UBE2Q1: variants seen among roughly 807,000 people sequenced by gnomAD.
The protein encoded by UBE2Q1 is ubiquitin conjugating enzyme E2 Q1.
In UBE2Q1, 6 loss-of-function variants were observed where a neutral mutation model predicts 60.1. The ratio of observed to expected loss-of-function variants is 0.10; its 90% confidence interval spans 0.05 to 0.20. UBE2Q1 has a LOEUF of 0.20. UBE2Q1 is among the 10% of genes least tolerant of loss of function. The pLI is 1.00. For synonymous variants in UBE2Q1, 226 were observed against 208.3 expected (o/e 1.09, Z -0.73); for missense variants, 262 against 525.8 (o/e 0.50, Z 4.91).
intron 4 of UBE2Q1, 76 bp from the exon 5 acceptor site, chr1:154,553,248 C>T: frequency 6.5e-7 from 1 of 1,543,494 alleles, no homozygotes; most frequent in Non-Finnish European, 8.7e-7. Context: ...CATCACCTTC[C>T]CAGTCCCATT....
At chr1:154,555,003 G>C (rs1695858254) in intron 3 of UBE2Q1, 3 of 557,966 alleles carry the variant, frequency 5.4e-6, no homozygotes, top group Non-Finnish European at 9.6e-6. Context: ...AAGAATAAAA[G>C]AAAAGCAAAA....
At chr1:154,555,991 A>G in intron 1 of UBE2Q1, 27 bp from the exon 2 acceptor site, 2 of 1,602,676 alleles carry the variant, frequency 1.2e-6, no homozygotes, top group Non-Finnish European at 1.7e-6. Flanking sequence ...AATAAGAGCA[A>G]TCAAAATGGG....
rs1695771525 is a variant in UBE2Q1, at chr1:154,550,249, A to C, written c.*189T>G. 1.2e-6 allele frequency: 1 copy of C among 808,714 alleles called. No individual in the cohort carries two copies. Among genetic ancestry groups the C allele is most frequent in the Non-Finnish European group, 2.0e-6 (1 of 499,130 alleles). The allele number at this position is 808,714 out of a possible 1,614,324, so 50.1% of individuals were successfully genotyped here. On this transcript the variant is annotated 3_prime_UTR_variant, in exon 13 of 13. Transcript: ENST00000292211. ...TCTGTAAGTCAGTCTTGAGTACTTG[A>C]AACAGTTCTGTGTTTGTTTTTTTTC...
rs550997331 is a variant in UBE2Q1, at chr1:154,551,376, C to T, written c.1170+21G>A. On this transcript the variant is annotated intron_variant, in intron 11 of 12. Transcript: ENST00000292211. ...ACTTGGCTCCACCCAGCCCCACCAG[C>T]CCCAGGACCAGGATCCTTACTTTGT... The T allele has an allele frequency of 3.0e-5, 48 of 1,612,592 alleles. No individual in the cohort carries two copies. In the South Asian group the frequency reaches 4.9e-4, roughly 17 times the overall value.
In UBE2Q1 at chr1:154,550,450, T is replaced by C. The variant is rs1194701246; in HGVS notation, c.1257A>G (p.Lys419=). The C allele has an allele frequency of 1.2e-6, 2 of 1,613,936 alleles. No homozygotes were observed. The highest frequency in any genetic ancestry group is 2.7e-5 in the African/African-American group (2 of 74,896). ...HEKNGWYTPP[K]EDG ...TGATACTCCAGGGTTAGCCGTCTTC[T>C]TTTGGGGGTGTGTACCAGCCTGCAA... The change falls in exon 13 of 13, where the codon AAA becomes AAG. Residue 419 remains lysine (K), a synonymous_variant. Coordinates refer to ENST00000292211, the MANE Select transcript of UBE2Q1 (RefSeq NM_017582.7).
chr1:154,550,233 C>T lies in UBE2Q1; in HGVS notation c.*205G>A. 1.5e-6 allele frequency: 1 copy of T among 664,002 alleles called. No individual in the cohort carries two copies. 41.1% of individuals were successfully genotyped at this position (664,002 alleles called of 1,614,324 possible). On this transcript the variant is annotated 3_prime_UTR_variant, in exon 13 of 13. Coordinates refer to ENST00000292211, the MANE Select transcript of UBE2Q1 (RefSeq NM_017582.7). The stretch of plus-strand genomic sequence containing the variant: ...CAAGGTGGTTGGTTGGTCTGTAAGT[C>T]AGTCTTGAGTACTTGAAACAGTTCT...
At chr1:154,554,151 A>G (rs1360353838) in intron 4 of UBE2Q1, among the ~76,000 whole-genome samples, 2 of 152,186 alleles carry the variant, frequency 1.3e-5, no homozygotes. Context: ...TCCATTTTAT[A>G]GATGCGGAAG....
intron 2 of UBE2Q1, 36 bp downstream of exon 2, chr1:154,555,819 TCATAA>T (rs781691261): frequency 1.3e-6 from 2 of 1,576,180 alleles, no homozygotes; most frequent in Middle Eastern, 3.3e-4. Flanking sequence ...GGCATGGGCC[TCATAA>T]GAACAAAATG....
Position 154,550,340 on chromosome 1 carries a change from G to A in UBE2Q1, c.*98C>T. 1 of 1,507,226 alleles carries A rather than the reference G, an allele frequency of 6.6e-7. No individual in the cohort carries two copies. The highest frequency in any genetic ancestry group is 9.2e-7 in the Non-Finnish European group (1 of 1,090,188). The allele number at this position is 1,507,226 out of a possible 1,614,324, so 93.4% of individuals were successfully genotyped here. A position where few individuals can be genotyped will look rare whatever the true frequency, so the allele number is the denominator to read the frequency against. On this transcript the variant is annotated 3_prime_UTR_variant, in exon 13 of 13. Coordinates refer to ENST00000292211, the MANE Select transcript of UBE2Q1 (RefSeq NM_017582.7). ...GAGCTATCACGTCCAGGAAAAATGA[G>A]GGAGGGAACCACAGAGGCAGCGTGA...
At chr1:154,553,944 T>C (rs970391016) in intron 4 of UBE2Q1, among the ~76,000 whole-genome samples, 3 of 152,208 alleles carry the variant, frequency 2.0e-5, no homozygotes, top group African/African-American at 4.8e-5. Context: ...TACACGGTTA[T>C]AGAACCTGGG....
Position 154,558,217 on chromosome 1 carries a change from G to T in UBE2Q1, c.327+10C>A. On this transcript the variant is annotated intron_variant, in intron 1 of 12. Transcript: ENST00000292211. ...GGCCCCCACAGAGGCGCACGCGAGG[G>T]GGTCCTCACCGTGATGTTGCAGTGG... 1 of 1,516,098 alleles carries T rather than the reference G, an allele frequency of 6.6e-7. No homozygotes were observed. The highest frequency in any genetic ancestry group is 8.8e-7 in the Non-Finnish European group (1 of 1,132,702). The allele number at this position is 1,516,098 out of a possible 1,614,324, so 93.9% of individuals were successfully genotyped here.
Position 154,558,271 on chromosome 1 carries a change from C to A in UBE2Q1, c.283G>T (p.Gly95Trp). ...CGGACAGGATCCCCAGGCACCGACC[C>A]CCGTGGGGGGAGATGCGGTCCGGGC... ...AAPGPHLPPR[G>W]SVPGDPVRIH... The change falls in exon 1 of 13, where the codon GGG becomes TGG. Residue 95 changes from glycine (G) to tryptophan (W), a missense_variant. Transcript: ENST00000292211. 1 of 1,570,412 alleles carries A rather than the reference C, an allele frequency of 6.4e-7. No homozygotes were observed. The highest frequency in any genetic ancestry group is 8.6e-7 in the Non-Finnish European group (1 of 1,161,406).
At chr1:154,551,314 A>T in intron 11 of UBE2Q1, 83 bp downstream of exon 11, 1 of 1,448,194 alleles carries the variant, frequency 6.9e-7, no homozygotes, top group Non-Finnish European at 9.6e-7. Context: ...CATTCCTCTA[A>T]AGAAGGCAGC....
In UBE2Q1 at chr1:154,548,872, ACT is replaced by A. The variant is rs1695744185; in HGVS notation, c.*1564_*1565del. 1 of 152,518 alleles carries A rather than the reference ACT, an allele frequency of 6.6e-6. No individual in the cohort carries two copies. Among genetic ancestry groups the A allele is most frequent in the Non-Finnish European group, 1.5e-5 (1 of 68,016 alleles). 9.4% of individuals were successfully genotyped at this position (152,518 alleles called of 1,614,324 possible). A position where few individuals can be genotyped will look rare whatever the true frequency, so the allele number is the denominator to read the frequency against. Reference sequence around the variant, plus strand: ...GAGCAGCATTGAGTGGGACTGGTGGACTCTCCATCCACCTAAAGCAGCAAACA... The same window carrying A: ...GAGCAGCATTGAGTGGGACTGGTGGACTCCATCCACCTAAAGCAGCAAACA... On this transcript the variant is annotated 3_prime_UTR_variant, in exon 13 of 13. Transcript: ENST00000292211.
chr1:154,554,870 G>T (rs1248684495), intron 3 of UBE2Q1, 85 bp from the exon 4 acceptor site: 2 of 1,457,760 alleles, frequency 1.4e-6, no homozygotes, highest in Non-Finnish European at 1.9e-6. Flanking sequence ...TGAGCCCCCA[G>T]GTCTGGAAGT....
Position 154,551,420 on chromosome 1 carries a change from G to T in UBE2Q1, c.1147C>A (p.Arg383=). 2 of 1,614,076 alleles carry T rather than the reference G, an allele frequency of 1.2e-6. No homozygotes were observed. The highest frequency in any genetic ancestry group is 1.7e-6 in the Non-Finnish European group (2 of 1,180,030). The change falls in exon 11 of 13, where the codon CGA becomes AGA. Residue 383 remains arginine (R), a synonymous_variant. Coordinates refer to ENST00000292211, the MANE Select transcript of UBE2Q1 (RefSeq NM_017582.7). ...ACTTTGTTGGCTCCAAACTGCACTC[G>T]TGCTTTCCCCTTCACCAGTGTGGCA... ...ISATLVKGKA[R]VQFGANKSQY...
rs770590966 is a variant in UBE2Q1, at chr1:154,553,196, TGAAAA to T, written c.589-29_589-25del. On this transcript the variant is annotated intron_variant, in intron 4 of 12. Transcript: ENST00000292211. The stretch of plus-strand genomic sequence containing the variant: ...TCCTGGAGGAGGTGTGGGGTGGGAG[TGAAAA>T]GAAAAGGAAAAAAACCGACACAGGT... 1.3e-3 allele frequency: 2,133 copies of T among 1,595,740 alleles called. 2 individuals are homozygous for T. Among genetic ancestry groups the T allele is most frequent in the Non-Finnish European group, 1.7e-3 (1,978 of 1,174,766 alleles).
chr1:154,551,530 G>A, intron 10 of UBE2Q1, 38 bp from the exon 11 acceptor site: 7 of 1,601,750 alleles, frequency 4.4e-6, no homozygotes, highest in Non-Finnish European at 6.0e-6. Context: ...AGGTCCAGAT[G>A]GAGCTTCCAG....
Position 154,558,467 on chromosome 1 carries a change from GC to G in UBE2Q1, c.86del (p.Gly29AlafsTer13), listed in dbSNP as rs2149363305. ...GGQGAAPGAG[G>X]GPGGGPGPGP... ...CCGGCCCCGGGCCCCCCCCTGGGCC[GC>G]CCCCGGCCCCCGGCGCCGCCCCCTG... On this transcript the variant is annotated frameshift_variant, in exon 1 of 13. Transcript: ENST00000292211. LOFTEE classifies it high-confidence loss of function. 14 of 1,231,560 alleles carry G rather than the reference GC, an allele frequency of 1.1e-5. No homozygotes were observed. Among genetic ancestry groups the G allele is most frequent in the Admixed American group, 1.1e-4 (2 of 18,840 alleles). 76.3% of individuals were successfully genotyped at this position (1,231,560 alleles called of 1,614,324 possible). A position where few individuals can be genotyped will look rare whatever the true frequency, so the allele number is the denominator to read the frequency against.
Sources: gnomAD v4.1 joint callset for allele counts (sites outside exome capture counted in the v4.1 genomes callset) on GRCh38, gnomAD v4.1.1 for gene constraint, MANE v1.5 for transcripts, NCBI Gene and HGNC (gene_info 2026-07-23, HGNC 2026-07-21) for gene names.